ENPP7: variants seen among roughly 807,000 people sequenced by gnomAD.
The protein encoded by ENPP7 is ectonucleotide pyrophosphatase/phosphodiesterase 7, also known as ectonucleotide pyrophosphatase/phosphodiesterase family member 7.
A neutral mutation model predicts 33.6 loss-of-function variants in ENPP7; 39 were observed. The ratio of observed to expected loss-of-function variants is 1.16; its 90% CI spans 0.90 to 1.52. The LOEUF (loss-of-function observed/expected upper bound fraction) is 1.52. Among genes scored for constraint, ENPP7 ranks in the 40% most tolerant of loss-of-function variants. The pLI is 0.00. For missense variants in ENPP7, 594 were observed against 641.0 expected, an observed-to-expected ratio of 0.93 and a Z score of 0.79; for synonymous variants, 244 against 274.3, an observed-to-expected ratio of 0.89 and a Z score of 1.09.
chr17:79,741,876 C>A lies in ENPP7; in HGVS notation c.*99C>A. ...CTGGTCGCGGACGGACCCTGCCTCC[C>A]CAGCTTATCCCAGGCCAGAGGCTGC... On this transcript the variant is annotated 3_prime_UTR_variant, in exon 6 of 6. Transcript: ENST00000328313. The A allele has an allele frequency of 1.0e-6, 1 of 985,678 alleles. No individual in the cohort carries two copies. The highest frequency in any genetic ancestry group is 1.2e-6 in the Non-Finnish European group (1 of 830,124). The allele number at this position is 985,678 out of a possible 1,614,324, so 61.1% of individuals were successfully genotyped here.
chr17:79,731,391 C>T lies in ENPP7; in HGVS notation c.252C>T (p.Thr84=), dbSNP rs141521296. 130 of 1,609,850 alleles carry T rather than the reference C, an allele frequency of 8.1e-5. 1 individual carries two copies. The highest frequency in any genetic ancestry group is 2.8e-4 in the South Asian group (25 of 90,476). The change falls in exon 1 of 6, where the codon ACC becomes ACT. Residue 84 remains threonine (T), a splice_region_variant and synonymous_variant. Coordinates refer to ENST00000328313, the MANE Select transcript of ENPP7 (RefSeq NM_178543.5). The stretch of plus-strand genomic sequence containing the variant: ...GCCCCTGCCACTTCACCCTGGTCAC[C>T]GGTGAGTACTGCCCTGTGACGGGGC... The part of the protein sequence containing the change: ...MTSPCHFTLV[T]GKYIENHGVV...
rs2145792630 is a variant in ENPP7 at position 79,735,386 on chromosome 17, G to A, written c.743G>A (p.Gly248Asp). ...AACCTGATCATCACATCCGACCACG[G>A]CATGACGACCGTGGACAAACGGGCT... ...RLNLIITSDHGMTTVDKRAGD... is the reference protein window; with the variant it reads ...RLNLIITSDHDMTTVDKRAGD... Residue 248 changes from glycine to aspartate, a missense_variant, in exon 3 of 6, where the codon GGC becomes GAC. Physicochemically the swap from Gly to Asp is moderately conservative, Grantham distance 94 (BLOSUM62 -1). Coordinates refer to ENST00000328313, the MANE Select transcript of ENPP7 (RefSeq NM_178543.5). This position sits in a 1 kb window ranked among gnomAD's most constrained non-coding sequence, Gnocchi z 5.5. 6.2e-7 allele frequency: 1 copy of A among 1,614,022 alleles called. No individual in the cohort carries two copies.
intron 3 of ENPP7, 67 bp from the exon 4 acceptor site, chr17:79,736,974 A>G: frequency 7.2e-7 from 1 of 1,379,702 alleles, no homozygotes; most frequent in Non-Finnish European, 1.0e-6. Context: ...CATAGGGTGG[A>G]TAGGGTAGGC....
At chr17:79,736,536 CGTGTGT>C (rs58744239) in intron 3 of ENPP7, among the ~76,000 whole-genome samples, 16,431 of 146,058 alleles carry the variant, frequency 0.11, 953 homozygotes, top group South Asian at 0.16. Flanking sequence ...GTGTGATAGG[CGTGTGT>C]GTGTGTGTGT....
chr17:79,731,314 C>A lies in ENPP7; in HGVS notation c.175C>A (p.Arg59=). ...CACCCCCAACCTGGACGCCATGGCC[C>A]GAGACGGGGTGAAGGCACGCTACAT... is the stretch of plus-strand genomic sequence containing the variant. ...VDTPNLDAMA[R]DGVKARYMTP... is the part of the protein sequence containing the mutation. The change falls in exon 1 of 6, where the codon CGA becomes AGA. Residue 59 remains arginine (R), a synonymous_variant. Coordinates refer to ENST00000328313, the MANE Select transcript of ENPP7 (RefSeq NM_178543.5). 1 of 1,613,892 alleles carries A rather than the reference C, an allele frequency of 6.2e-7. No individual in the cohort carries two copies. The highest frequency in any genetic ancestry group is 8.5e-7 in the Non-Finnish European group (1 of 1,179,950).
chr17:79,737,887 T>A lies in ENPP7; in HGVS notation c.1247-29T>A, dbSNP rs2094298819. 6.2e-7 allele frequency: 1 copy of A among 1,612,176 alleles called. No homozygotes were observed. Among genetic ancestry groups the A allele is most frequent in the Non-Finnish European group, 8.5e-7 (1 of 1,179,258 alleles). The stretch of plus-strand genomic sequence containing the variant: ...GCTGGGGTGAGGAGCCATCCCTCTC[T>A]CCCTCACAGGTCCTCTGGCTTTCCT... On this transcript the variant is annotated intron_variant, in intron 4 of 5. Transcript: ENST00000328313. The surrounding 1 kb of genome is among the most constrained non-coding windows in gnomAD (Gnocchi z 5.5).
At chr17:79,734,713 C>T (rs535605707) in intron 2 of ENPP7, among the ~76,000 whole-genome samples, 5 of 152,236 alleles carry the variant, frequency 3.3e-5, no homozygotes, top group Non-Finnish European at 7.4e-5. Context: ...CTCCTGACCT[C>T]GGGATCCACC....
In ENPP7 at chr17:79,739,857, G is replaced by C. The variant is rs1311704511; in HGVS notation, c.*16+1795G>C. Among the ~76,000 whole-genome samples, 1 of 152,196 alleles carries C rather than the reference G, an allele frequency of 6.6e-6. No homozygotes were observed. The highest frequency in any genetic ancestry group is 1.5e-5 in the Non-Finnish European group (1 of 68,028). ...ACCACACCACTCACTGAGAAGGCGG[G>C]GCTGGTGAGACAGGAAAAGCCAAGA... On this transcript the variant is annotated intron_variant, in intron 5 of 5. Transcript: ENST00000328313. This position sits in a 1 kb window ranked among gnomAD's most constrained non-coding sequence, Gnocchi z 4.4.
Position 79,738,171 on chromosome 17 carries a change from C to A in ENPP7, c.*16+109C>A. 1 of 1,196,804 alleles carries A rather than the reference C, an allele frequency of 8.4e-7. No homozygotes were observed. The highest frequency in any genetic ancestry group is 1.2e-6 in the Non-Finnish European group (1 of 849,836). 74.1% of individuals were successfully genotyped at this position (1,196,804 alleles called of 1,614,324 possible). ...CAACCAGAACAGAGCTGCCAGGCCC[C>A]GCCAAGCAGGTGACTCCCACTGACC... On this transcript the variant is annotated intron_variant, in intron 5 of 5. Coordinates refer to ENST00000328313, the MANE Select transcript of ENPP7 (RefSeq NM_178543.5). The surrounding 1 kb of genome is among the most constrained non-coding windows in gnomAD (Gnocchi z 6.2).
chr17:79,738,958 A>C lies in ENPP7; in HGVS notation c.*16+896A>C, dbSNP rs544520149. ...GACCTGTCATTTAAAGGTGCAAGAA[A>C]GCAGAGAACACAAAAGCAAATGAAT... is the stretch of plus-strand genomic sequence containing the variant. On this transcript the variant is annotated intron_variant, in intron 5 of 5. Transcript: ENST00000328313. The surrounding 1 kb of genome is among the most constrained non-coding windows in gnomAD (Gnocchi z 6.2). 6.6e-6 allele frequency: 1 copy of C among 152,470 alleles called. No homozygotes were observed. The highest frequency in any genetic ancestry group is 1.9e-4 in the East Asian group (1 of 5,190). 9.4% of individuals were successfully genotyped at this position (152,470 alleles called of 1,614,324 possible).
At position 79,737,265 on chromosome 17, in the gene ENPP7, G is replaced by C; in HGVS notation, c.1246+5G>C. 1.3e-6 allele frequency: 2 copies of C among 1,591,912 alleles called. No individual in the cohort carries two copies. The highest frequency in any genetic ancestry group is 1.7e-6 in the Non-Finnish European group (2 of 1,173,316). ...TGCTGCCCATGCTGCACACAGGTGA[G>C]GGCAGGGTGCCCCAAATCCCCGCCT... is the stretch of plus-strand genomic sequence containing the variant. On this transcript the variant is annotated splice_donor_5th_base_variant and intron_variant, in intron 4 of 5. Coordinates refer to ENST00000328313, the MANE Select transcript of ENPP7 (RefSeq NM_178543.5). The surrounding 1 kb of genome is among the most constrained non-coding windows in gnomAD (Gnocchi z 5.5).
At chr17:79,734,555 G>A (rs1322302196) in intron 2 of ENPP7, among the ~76,000 whole-genome samples, 1 of 149,938 alleles carries the variant, frequency 6.7e-6, no homozygotes, top group Admixed American at 6.7e-5. Context: ...TCCGCTCACT[G>A]CAAGCTCTGC....
Position 79,738,170 on chromosome 17 carries a change from C to T in ENPP7, c.*16+108C>T. 1 of 1,208,662 alleles carries T rather than the reference C, an allele frequency of 8.3e-7. No homozygotes were observed. The highest frequency in any genetic ancestry group is 1.5e-5 in the African/African-American group (1 of 66,818). The allele number at this position is 1,208,662 out of a possible 1,614,324, so 74.9% of individuals were successfully genotyped here. A position where few individuals can be genotyped will look rare whatever the true frequency, so the allele number is the denominator to read the frequency against. ...GCAACCAGAACAGAGCTGCCAGGCC[C>T]CGCCAAGCAGGTGACTCCCACTGAC... On this transcript the variant is annotated intron_variant, in intron 5 of 5. Transcript: ENST00000328313. The surrounding 1 kb of genome is among the most constrained non-coding windows in gnomAD (Gnocchi z 6.2).
intron 1 of ENPP7, among the ~76,000 whole-genome samples, chr17:79,732,648 G>A (rs1209518396): frequency 2.0e-5 from 3 of 152,138 alleles, no homozygotes; most frequent in East Asian, 1.9e-4. Flanking sequence ...TCTCCCCAGG[G>A]CCTTTCCCCT....
rs1210945947 is a variant in ENPP7 at position 79,732,123 on chromosome 17, T to C, written c.253+731T>C. Among the ~76,000 whole-genome samples, 10 of 37,772 alleles carry C rather than the reference T, an allele frequency of 2.6e-4. 2 individuals are homozygous for C. The South Asian group carries it at 3.2e-3, about 12-fold the overall frequency. 24.8% of individuals were successfully genotyped at this position (37,772 alleles called of 152,430 possible). A position where few individuals can be genotyped will look rare whatever the true frequency, so the allele number is the denominator to read the frequency against. On this transcript the variant is annotated intron_variant, in intron 1 of 5. Coordinates refer to ENST00000328313, the MANE Select transcript of ENPP7 (RefSeq NM_178543.5). ...ATATATATATACATATATATATACA[T>C]ATATATATGTATATATATATATATA...
Position 79,735,752 on chromosome 17 carries a change from T to C in ENPP7, c.1026+83T>C. On this transcript the variant is annotated intron_variant, in intron 3 of 5. Coordinates refer to ENST00000328313, the MANE Select transcript of ENPP7 (RefSeq NM_178543.5). This position sits in a 1 kb window ranked among gnomAD's most constrained non-coding sequence, Gnocchi z 5.5. ...TCTTTTTTTTTTTTTGAGACCAGGG[T>C]CTTGCTCTGTTGCCCAGGCTGGAGT... 6.9e-6 allele frequency: 9 copies of C among 1,305,732 alleles called. No homozygotes were observed. The highest frequency in any genetic ancestry group is 9.4e-6 in the Non-Finnish European group (9 of 959,526). 80.9% of individuals were successfully genotyped at this position (1,305,732 alleles called of 1,614,324 possible).
At position 79,737,873 on chromosome 17, in the gene ENPP7, G is replaced by A. The variant is rs1555823944; in HGVS notation, c.1247-43G>A. ...TTTACTGTGGAGAGGCTGGGGTGAG[G>A]AGCCATCCCTCTCTCCCTCACAGGT... On this transcript the variant is annotated intron_variant, in intron 4 of 5. Coordinates refer to ENST00000328313, the MANE Select transcript of ENPP7 (RefSeq NM_178543.5). This position sits in a 1 kb window ranked among gnomAD's most constrained non-coding sequence, Gnocchi z 5.5. The A allele has an allele frequency of 1.2e-6, 2 of 1,607,922 alleles. No individual in the cohort carries two copies. The highest frequency in any genetic ancestry group is 3.3e-5 in the Admixed American group (2 of 59,970).
chr17:79,738,742 C>A lies in ENPP7; in HGVS notation c.*16+680C>A, dbSNP rs1166050060. ...GCATGGGGTGCGTTTGGGAGGAGAG[C>A]TCCGGGGCTGTGTTCCTGGAACTCC... On this transcript the variant is annotated intron_variant, in intron 5 of 5. Transcript: ENST00000328313. The surrounding 1 kb of genome is among the most constrained non-coding windows in gnomAD (Gnocchi z 6.2). The A allele has an allele frequency of 2.6e-5, 4 of 152,126 alleles. No homozygotes were observed. Among genetic ancestry groups the A allele is most frequent in the Non-Finnish European group, 4.4e-5 (3 of 68,072 alleles). 9.4% of individuals were successfully genotyped at this position (152,126 alleles called of 1,614,324 possible).
intron 1 of ENPP7, among the ~76,000 whole-genome samples, chr17:79,732,345 G>A (rs1034182201): frequency 6.6e-5 from 10 of 151,644 alleles, no homozygotes; most frequent in Non-Finnish European, 1.5e-5. Context: ...GAATTGAAAA[G>A]CAATTGGCCC....
Sources: allele counts gnomAD v4.1 joint callset (sites outside exome capture counted in the v4.1 genomes callset), GRCh38; gene constraint gnomAD v4.1.1; non-coding constraint Gnocchi (gnomAD v3.1); transcripts MANE v1.5; gene names NCBI Gene and HGNC (gene_info 2026-07-23, HGNC 2026-07-21).